Variants in DPP10 observed in about 807,000 individuals in gnomAD.
DPP10 encodes dipeptidyl peptidase like 10.
In DPP10, 33 loss-of-function variants were observed where a neutral mutation model predicts 120.9. That is an observed-to-expected ratio of 0.27 (90% CI 0.21 to 0.37). DPP10 has a LOEUF of 0.37. Among genes scored for constraint, DPP10 ranks in the 10% least tolerant of loss-of-function variants. The pLI is 1.00. For missense variants in DPP10, 816 were observed against 942.8 expected, an observed-to-expected ratio of 0.87 and a Z score of 1.76; for synonymous variants, 337 against 326.1, an observed-to-expected ratio of 1.03 and a Z score of -0.36.
At chr2:115,707,598 C>T (rs1424501365) in intron 7 of DPP10, among the ~76,000 whole-genome samples, 1 of 151,690 alleles carries the variant, frequency 6.6e-6, no homozygotes, top group East Asian at 1.9e-4. Context: ...TGAGAAAATT[C>T]ATTGCAACAC....
chr2:115,469,536 C>T (rs1373813470), intron 3 of DPP10, among the ~76,000 whole-genome samples: 1 of 152,218 alleles, frequency 6.6e-6, no homozygotes, highest in Admixed American at 6.5e-5. Context: ...AATCAATATC[C>T]CTTCAGAGGT....
chr2:114,744,521 G>A (rs1468502875), intron 1 of DPP10, among the ~76,000 whole-genome samples: 2 of 152,160 alleles, frequency 1.3e-5, no homozygotes, highest in South Asian at 2.1e-4. Flanking sequence ...GAGTGATTCT[G>A]AGCAGGAAGT....
chr2:114,783,792 TCACTGCA>T (rs1258284365), intron 1 of DPP10, among the ~76,000 whole-genome samples: 3 of 151,936 alleles, frequency 2.0e-5, no homozygotes, highest in Non-Finnish European at 4.4e-5. Context: ...TGTGTTTGCG[TCACTGCA>T]CTCCAGTCTG....
At chr2:115,342,910 A>C (rs746049007) in intron 2 of DPP10, among the ~76,000 whole-genome samples, 2 of 152,212 alleles carry the variant, frequency 1.3e-5, no homozygotes, top group Non-Finnish European at 2.9e-5. Flanking sequence ...CAGCTAGAAA[A>C]AAGCAAAGCT....
chr2:115,311,265 T>C (rs985305639), intron 2 of DPP10, among the ~76,000 whole-genome samples: 1 of 152,168 alleles, frequency 6.6e-6, no homozygotes, highest in Non-Finnish European at 1.5e-5. Context: ...AGTTCCAACA[T>C]TGCAGTGTTA....
chr2:114,832,396 G>A (rs372735133), intron 1 of DPP10, among the ~76,000 whole-genome samples: 4 of 152,174 alleles, frequency 2.6e-5, no homozygotes, highest in Non-Finnish European at 4.4e-5. Flanking sequence ...TTAGCCGGGC[G>A]TGTTGGTGGG....
At chr2:115,196,374 A>C (rs2055269797) in intron 1 of DPP10, among the ~76,000 whole-genome samples, 1 of 152,182 alleles carries the variant, frequency 6.6e-6, no homozygotes, top group Non-Finnish European at 1.5e-5. Flanking sequence ...GCTGACAATG[A>C]CCTACTGGAT....
At chr2:115,318,379 A>AT (rs1451552530) in intron 2 of DPP10, among the ~76,000 whole-genome samples, 1 of 152,080 alleles carries the variant, frequency 6.6e-6, no homozygotes, top group Non-Finnish European at 1.5e-5. Flanking sequence ...ACACTTTAAA[A>AT]ATATATATAT....
At chr2:114,972,802 G>A (rs1699483315) in intron 1 of DPP10, among the ~76,000 whole-genome samples, 1 of 152,138 alleles carries the variant, frequency 6.6e-6, no homozygotes, top group African/African-American at 2.4e-5. Flanking sequence ...ACTGCGACTG[G>A]GGAAATATAA....
rs769284706 is a variant in DPP10 at position 114,629,195 on chromosome 2, T to TTATTA, written c.60+186357_60+186358insTATTA. ...AAAGCTTTAGAGTAGAAAATTGCTA[T>TTATTA]CATTAATTTTCCTTCAAACTTTCTC... is the stretch of plus-strand genomic sequence containing the variant. On this transcript the variant is annotated intron_variant, in intron 1 of 25. Coordinates refer to ENST00000410059, the MANE Select transcript of DPP10 (RefSeq NM_020868.6). 5.5e-3 allele frequency among the ~76,000 whole-genome samples: 700 copies of TTATTA among 126,632 alleles called. 7 individuals carry two copies. Among genetic ancestry groups the TTATTA allele is most frequent in the African/African-American group, 0.025 (665 of 26,080 alleles). The allele number at this position is 126,632 out of a possible 152,430, so 83.1% of individuals were successfully genotyped here.
chr2:115,038,977 A>G (rs1049237042), intron 1 of DPP10, among the ~76,000 whole-genome samples: 1 of 152,322 alleles, frequency 6.6e-6, no homozygotes, highest in South Asian at 2.1e-4. Context: ...AATATTACAT[A>G]TGAGGCAAAC....
chr2:115,770,031 G>T (rs1482083500), intron 13 of DPP10, among the ~76,000 whole-genome samples: 2 of 152,032 alleles, frequency 1.3e-5, no homozygotes, highest in Non-Finnish European at 2.9e-5. Context: ...AGGAAAAGTT[G>T]TACGTCTTTG....
chr2:114,983,614 TATATA>T (rs1188080602), intron 1 of DPP10, among the ~76,000 whole-genome samples: 5 of 152,174 alleles, frequency 3.3e-5, no homozygotes, highest in Non-Finnish European at 7.3e-5. Flanking sequence ...TTTCATGAGT[TATATA>T]AAACTCAGAG....
intron 1 of DPP10, among the ~76,000 whole-genome samples, chr2:115,202,287 G>A (rs78924038): frequency 0.026 from 3,950 of 152,212 alleles, 85 homozygotes; most frequent in Non-Finnish European, 0.039. Flanking sequence ...TTTAAGTTAA[G>A]CAATTTTCTA....
intron 1 of DPP10, among the ~76,000 whole-genome samples, chr2:114,770,885 T>G (rs1358090004): frequency 2.0e-5 from 3 of 151,946 alleles, no homozygotes; most frequent in African/African-American, 7.2e-5. Context: ...TTTTATGTCT[T>G]GGCCACATCT....
At chr2:115,064,655 G>A in intron 1 of DPP10, 1 of 1,289,204 alleles carries the variant, frequency 7.8e-7, no homozygotes, top group Non-Finnish European at 1.0e-6. Flanking sequence ...AAAGTGTTGA[G>A]AACTGGAAGC....
intron 12 of DPP10, among the ~76,000 whole-genome samples, chr2:115,765,400 C>T (rs1680592832): frequency 6.6e-6 from 1 of 152,070 alleles, no homozygotes; most frequent in Non-Finnish European, 1.5e-5. Context: ...TCCATATATT[C>T]ATCTATTCAC....
At chr2:115,534,874 G>A (rs1478033216) in intron 5 of DPP10, among the ~76,000 whole-genome samples, 27 of 152,052 alleles carry the variant, frequency 1.8e-4, no homozygotes, top group African/African-American at 4.8e-4. Flanking sequence ...GATGGTGAGC[G>A]TTTTTTCATG....
chr2:115,267,447 A>G (rs917813428), intron 1 of DPP10, among the ~76,000 whole-genome samples: 2 of 152,188 alleles, frequency 1.3e-5, no homozygotes, highest in African/African-American at 4.8e-5. Flanking sequence ...AATCTGCCAT[A>G]TATTAGCAAG....
Sources: gnomAD v4.1 joint callset for allele counts (sites outside exome capture counted in the v4.1 genomes callset) on GRCh38, gnomAD v4.1.1 for gene constraint, MANE v1.5 for transcripts, NCBI Gene and HGNC (gene_info 2026-07-23, HGNC 2026-07-21) for gene names.